Variants in GPHN observed in about 807,000 individuals in gnomAD.
GPHN encodes the protein gephyrin.
GPHN carries 17 observed loss-of-function variants against 95.5 expected under a neutral mutation model. The ratio of observed to expected loss-of-function variants is 0.18; its 90% confidence interval spans 0.12 to 0.27. GPHN has a LOEUF of 0.27. GPHN is among the 10% of genes least tolerant of loss of function. The probability of loss-of-function intolerance (pLI) is 1.00; values close to 1 mark genes in which losing one functional copy is unlikely to be tolerated. For synonymous variants in GPHN, 320 were observed against 322.5 expected (o/e 0.99, Z 0.08); for missense variants, 660 against 978.1 (o/e 0.67, Z 4.34).
At chr14:67,662,371 T>C in the GPHN span, 1 of 1,052,486 alleles carries the variant, frequency 9.5e-7, no homozygotes, top group Non-Finnish European at 1.4e-6. Flanking sequence ...ATAGTCAAAA[T>C]CAAGATCAAT....
the GPHN span, among the ~76,000 whole-genome samples, chr14:67,436,422 G>A: frequency 6.6e-6 from 1 of 152,148 alleles, no homozygotes; most frequent in Non-Finnish European, 1.5e-5. Flanking sequence ...CTGTTCCCTG[G>A]CCCTGCAATA....
the GPHN span, among the ~76,000 whole-genome samples, chr14:67,632,741 T>G: frequency 6.6e-6 from 1 of 151,320 alleles, no homozygotes; most frequent in Non-Finnish European, 1.5e-5. Flanking sequence ...CACACAAATA[T>G]TATGAAATAG....
chr14:67,499,596 G>A, the GPHN span, among the ~76,000 whole-genome samples: 1 of 152,196 alleles, frequency 6.6e-6, no homozygotes, highest in Non-Finnish European at 1.5e-5. Context: ...TAATGGACAA[G>A]AAGATGAGTA....
intron 18 of GPHN, 58 bp downstream of exon 18, chr14:67,143,507 A>G: frequency 9.4e-7 from 1 of 1,065,276 alleles, no homozygotes; most frequent in Non-Finnish European, 1.5e-6. Flanking sequence ...CATATGGTCG[A>G]TTAACTGTGG....
chr14:67,354,329 G>GTT, the GPHN span, among the ~76,000 whole-genome samples: 1 of 152,126 alleles, frequency 6.6e-6, no homozygotes, highest in East Asian at 1.9e-4. Flanking sequence ...TATTTGATTT[G>GTT]TAAGTTAAAA....
intron 2 of GPHN, among the ~76,000 whole-genome samples, chr14:66,685,007 T>A (rs1885335387): frequency 6.6e-6 from 1 of 152,216 alleles, no homozygotes; most frequent in Non-Finnish European, 1.5e-5. Context: ...GTGTTTGTTT[T>A]TTTGTACTTG....
the GPHN span, among the ~76,000 whole-genome samples, chr14:67,478,016 G>C: frequency 6.6e-6 from 1 of 152,198 alleles, no homozygotes; most frequent in Non-Finnish European, 1.5e-5. Context: ...GCATTCAAGA[G>C]AAGAATAAAG....
At chr14:67,596,158 T>C in the GPHN span, among the ~76,000 whole-genome samples, 2 of 152,128 alleles carry the variant, frequency 1.3e-5, no homozygotes. Flanking sequence ...GAGACAGAAT[T>C]TCACTCGTTT....
the GPHN span, among the ~76,000 whole-genome samples, chr14:67,489,606 G>A: frequency 1.3e-5 from 2 of 152,112 alleles, no homozygotes; most frequent in African/African-American, 2.4e-5. Context: ...CCTTTGCGAT[G>A]CCGTCCCACA....
At chr14:66,880,082 T>A in intron 5 of GPHN, 49 bp downstream of exon 5, 1 of 1,117,460 alleles carries the variant, frequency 8.9e-7, no homozygotes, top group Non-Finnish European at 1.4e-6. Context: ...GTGAACTGTT[T>A]CCGTGATATT....
chr14:66,776,415 T>G, intron 2 of GPHN, 49 bp from the exon 3 acceptor site: 2 of 1,081,926 alleles, frequency 1.8e-6, no homozygotes, highest in East Asian at 2.4e-5. Context: ...TTTCATACAT[T>G]TTAAACACTA....
At chr14:67,284,441 A>C in the GPHN span, among the ~76,000 whole-genome samples, 1 of 147,972 alleles carries the variant, frequency 6.8e-6, no homozygotes, top group Non-Finnish European at 1.5e-5. Context: ...AAAAAAAAAA[A>C]AAACAGCTGG....
At chr14:67,276,097 T>G in the GPHN span, among the ~76,000 whole-genome samples, 1 of 152,114 alleles carries the variant, frequency 6.6e-6, no homozygotes, top group Non-Finnish European at 1.5e-5. Context: ...TTTTGAAGGG[T>G]TTTTTGTGTC....
chr14:67,027,484 C>T (rs955850137), intron 10 of GPHN, among the ~76,000 whole-genome samples: 7 of 152,090 alleles, frequency 4.6e-5, no homozygotes, highest in Admixed American at 6.6e-5. Flanking sequence ...GCTTGTGCCA[C>T]CATGCCCAGC....
chr14:66,754,937 T>C (rs1382467996), intron 2 of GPHN, among the ~76,000 whole-genome samples: 1 of 152,078 alleles, frequency 6.6e-6, no homozygotes, highest in Non-Finnish European at 1.5e-5. Flanking sequence ...TTTGGTCTTA[T>C]TTAGACAGTA....
chr14:66,640,007 G>A (rs1373894253), intron 1 of GPHN, among the ~76,000 whole-genome samples: 1 of 152,128 alleles, frequency 6.6e-6, no homozygotes, highest in African/African-American at 2.4e-5. Context: ...GATCACAGAT[G>A]ACATAGACTG....
chr14:67,306,406 G>T, the GPHN span, among the ~76,000 whole-genome samples: 1 of 151,884 alleles, frequency 6.6e-6, no homozygotes, highest in African/African-American at 2.4e-5. Context: ...GTACAGTGGT[G>T]CGATCTTGGC....
intron 9 of GPHN, among the ~76,000 whole-genome samples, chr14:67,012,695 A>G (rs1166084837): frequency 1.3e-5 from 2 of 152,142 alleles, no homozygotes; most frequent in Admixed American, 6.5e-5. Context: ...CTCTACATGC[A>G]TTAGCTTATT....
At chr14:67,444,681 G>A in the GPHN span, among the ~76,000 whole-genome samples, 1 of 152,220 alleles carries the variant, frequency 6.6e-6, no homozygotes, top group South Asian at 2.1e-4. Context: ...GACCAAATAC[G>A]TGATTAGAAG....
Sources: gnomAD v4.1 joint callset for allele counts (sites outside exome capture counted in the v4.1 genomes callset) on GRCh38, gnomAD v4.1.1 for gene constraint, MANE v1.5 for transcripts, NCBI Gene and HGNC (gene_info 2026-07-23, HGNC 2026-07-21) for gene names.